ERG: variants seen among roughly 807,000 people sequenced by gnomAD.
ERG encodes ETS transcription factor ERG, also known as transcriptional regulator ERG.
Under a neutral mutation model 55.3 loss-of-function variants are expected in ERG, and 9 were observed. That is an observed-to-expected ratio of 0.16 (90% confidence interval 0.10 to 0.28). ERG has a LOEUF of 0.28. Ranked by LOEUF, ERG falls within the 10% of genes least tolerant of loss-of-function variation. The pLI is 1.00. For synonymous variants in ERG, 223 were observed against 237.3 expected (o/e 0.94, Z 0.55); for missense variants, 434 against 631.6 (o/e 0.69, Z 3.35).
At chr21:38,629,571 C>T (rs1323384786) in intron 1 of ERG, among the ~76,000 whole-genome samples, 1 of 152,102 alleles carries the variant, frequency 6.6e-6, no homozygotes, top group Non-Finnish European at 1.5e-5. Flanking sequence ...CCACTTCACA[C>T]TCATGAGGAT....
intron 3 of ERG, among the ~76,000 whole-genome samples, chr21:38,420,558 C>T (rs1010468247): frequency 1.3e-5 from 2 of 152,206 alleles, no homozygotes; most frequent in Non-Finnish European, 2.9e-5. Flanking sequence ...CAGAGCTATC[C>T]TTGCATCCAT....
At chr21:38,524,381 T>C (rs1229799472) in intron 2 of ERG, among the ~76,000 whole-genome samples, 3 of 152,244 alleles carry the variant, frequency 2.0e-5, no homozygotes, top group Non-Finnish European at 2.9e-5. Context: ...TATGCAACCA[T>C]GGCTCACTGT....
At chr21:38,511,634 T>C (rs1049506750) in intron 2 of ERG, among the ~76,000 whole-genome samples, 11 of 152,194 alleles carry the variant, frequency 7.2e-5, no homozygotes, top group Admixed American at 5.2e-4. Context: ...TCAATCAATT[T>C]TAAGATACAT....
chr21:38,577,713 G>C (rs183629440), intron 1 of ERG, among the ~76,000 whole-genome samples: 2 of 152,298 alleles, frequency 1.3e-5, no homozygotes, highest in East Asian at 1.9e-4. Flanking sequence ...AGCCCGGAAG[G>C]GGAGCGTCTG....
At chr21:38,522,455 A>G (rs1021754142) in intron 2 of ERG, among the ~76,000 whole-genome samples, 4 of 152,220 alleles carry the variant, frequency 2.6e-5, no homozygotes, top group Admixed American at 2.0e-4. Flanking sequence ...AAATCCATAT[A>G]TTAACCATAT....
intron 2 of ERG, among the ~76,000 whole-genome samples, chr21:38,431,277 T>C (rs908752670): frequency 6.6e-6 from 1 of 152,186 alleles, no homozygotes; most frequent in Non-Finnish European, 1.5e-5. Context: ...AGAAGCCCCA[T>C]TTTCAAGCCC....
intron 1 of ERG, among the ~76,000 whole-genome samples, chr21:38,463,175 G>T (rs1256513628): frequency 6.6e-6 from 1 of 152,192 alleles, no homozygotes; most frequent in African/African-American, 2.4e-5. Flanking sequence ...CCCATACTTG[G>T]ACACTGAAAG....
chr21:38,610,864 A>G (rs1311620742), intron 1 of ERG, among the ~76,000 whole-genome samples: 3 of 152,216 alleles, frequency 2.0e-5, no homozygotes. Context: ...GCCAAGGACA[A>G]CAAGAATAGG....
At chr21:38,410,873 G>T (rs1000924793) in intron 3 of ERG, among the ~76,000 whole-genome samples, 2 of 152,000 alleles carry the variant, frequency 1.3e-5, no homozygotes, top group Non-Finnish European at 2.9e-5. Flanking sequence ...TAATATCAAC[G>T]TAAAATATTG....
At chr21:38,641,407 T>C (rs2060424222) in intron 1 of ERG, among the ~76,000 whole-genome samples, 1 of 152,148 alleles carries the variant, frequency 6.6e-6, no homozygotes, top group African/African-American at 2.4e-5. Flanking sequence ...TCCAGAACTA[T>C]GTGAAATAAA....
chr21:38,447,025 C>T (rs1207585960), intron 1 of ERG, among the ~76,000 whole-genome samples: 1 of 151,804 alleles, frequency 6.6e-6, no homozygotes, highest in Non-Finnish European at 1.5e-5. Flanking sequence ...GTAATCACAC[C>T]CTAGAAGCAG....
At chr21:38,392,330 A>G (rs959530084) in intron 7 of ERG, 46 bp downstream of exon 7, 28 of 1,445,038 alleles carry the variant, frequency 1.9e-5, no homozygotes, top group Non-Finnish European at 2.5e-5. Flanking sequence ...ACAGTCATCC[A>G]CTGCCTGTGA....
intron 2 of ERG, among the ~76,000 whole-genome samples, chr21:38,522,771 G>A (rs890176736): frequency 6.6e-6 from 1 of 152,136 alleles, no homozygotes; most frequent in Non-Finnish European, 1.5e-5. Context: ...AAAGGAAAAA[G>A]CAAATTCTTG....
At chr21:38,442,134 G>A (rs1441901331) in intron 2 of ERG, among the ~76,000 whole-genome samples, 1 of 152,168 alleles carries the variant, frequency 6.6e-6, no homozygotes, top group African/African-American at 2.4e-5. Context: ...GGCCGGGCGC[G>A]GTGGCTAACA....
intron 2 of ERG, among the ~76,000 whole-genome samples, chr21:38,566,649 G>A (rs1442863658): frequency 6.6e-6 from 1 of 152,226 alleles, no homozygotes; most frequent in East Asian, 1.9e-4. Flanking sequence ...ACCCTTAGAG[G>A]TGTGACTAGG....
chr21:38,613,961 G>A (rs540541063), intron 1 of ERG, among the ~76,000 whole-genome samples: 2 of 152,282 alleles, frequency 1.3e-5, no homozygotes, highest in South Asian at 2.1e-4. Flanking sequence ...CACCTTCTGA[G>A]TTAAAGTCTT....
intron 2 of ERG, among the ~76,000 whole-genome samples, chr21:38,426,068 A>C (rs1357069473): frequency 6.6e-6 from 1 of 152,260 alleles, no homozygotes; most frequent in African/African-American, 2.4e-5. Context: ...AGTCAGGGTC[A>C]CGCAGGACTC....
At chr21:38,524,584 T>C (rs968298163) in intron 2 of ERG, among the ~76,000 whole-genome samples, 7 of 152,200 alleles carry the variant, frequency 4.6e-5, no homozygotes, top group African/African-American at 1.7e-4. Context: ...ATTTAGAGTA[T>C]TTTTGGAAAC....
intron 1 of ERG, among the ~76,000 whole-genome samples, chr21:38,485,252 TAA>T (rs34620992): frequency 0.12 from 18,382 of 150,228 alleles, 1,276 homozygotes; most frequent in East Asian, 0.26. Flanking sequence ...TTTAGAAAGT[TAA>T]AAAAAAAATA....
Sources: gnomAD v4.1 joint callset for allele counts (sites outside exome capture counted in the v4.1 genomes callset) on GRCh38, gnomAD v4.1.1 for gene constraint, MANE v1.5 for transcripts, NCBI Gene and HGNC (gene_info 2026-07-23, HGNC 2026-07-21) for gene names.